Variants in ZC3H4 observed in about 807,000 individuals in gnomAD.
ZC3H4 encodes zinc finger CCCH-type containing 4.
ZC3H4 carries 13 observed loss-of-function variants against 108.3 expected under a neutral mutation model. The observed-to-expected ratio is 0.12, with a 90% confidence interval of 0.08 to 0.19. ZC3H4 has a LOEUF of 0.19. Ranked by LOEUF, ZC3H4 falls within the 10% of genes least tolerant of loss-of-function variation. The probability of loss-of-function intolerance (pLI) is 1.00; values close to 1 mark genes in which losing one functional copy is unlikely to be tolerated. For missense variants in ZC3H4, 1,734 were observed against 1,838.8 expected (o/e 0.94, Z 1.04); for synonymous variants, 917 against 749.6 (o/e 1.22, Z -3.65).
rs752786085 is a variant in ZC3H4 at position 47,067,027 on chromosome 19, G to A, written c.3241C>T (p.Arg1081Trp). Residue 1081 changes from arginine to tryptophan, a missense_variant, in exon 15 of 15, where the codon CGG (arginine) becomes TGG (tryptophan). Coordinates refer to ENST00000253048, the MANE Select transcript of ZC3H4 (RefSeq NM_015168.2). The surrounding 1 kb of genome is among the most constrained non-coding windows in gnomAD (Gnocchi z 6.4). ...GTAGAGTCTGTGGGTTTCTGCAGCC[G>A]AGGGTCGGTGGGGGCCTTCCGCACC... ...PRVRKAPTDPRLQKPTDSTAS... is the reference protein window; with the variant it reads ...PRVRKAPTDPWLQKPTDSTAS... 28 of 1,600,738 alleles carry A rather than the reference G, an allele frequency of 1.7e-5. No homozygotes were observed. The highest frequency in any genetic ancestry group is 3.3e-5 in the South Asian group (3 of 89,702).
chr19:47,070,231 C>A (rs990053454), intron 13 of ZC3H4, among the ~76,000 whole-genome samples: 1 of 152,164 alleles, frequency 6.6e-6, no homozygotes, highest in Non-Finnish European at 1.5e-5. Flanking sequence ...CCTAGATCCT[C>A]CTGGGGCAGC....
At chr19:47,112,300 C>CCTTCCT (rs2058050497) in intron 2 of ZC3H4, 124 bp downstream of exon 2, 2 of 1,097,698 alleles carry the variant, frequency 1.8e-6, no homozygotes, top group Admixed American at 4.3e-5. Context: ...CCGACCCCGC[C>CCTTCCT]CTTCCTCCTC....
intron 11 of ZC3H4, among the ~76,000 whole-genome samples, chr19:47,079,930 C>T (rs755672734): frequency 1.3e-5 from 2 of 152,170 alleles, no homozygotes; most frequent in Non-Finnish European, 2.9e-5. Flanking sequence ...GCAGGCTCCC[C>T]GGAGGGACTT....
intron 2 of ZC3H4, among the ~76,000 whole-genome samples, chr19:47,095,462 C>T (rs892655145): frequency 2.8e-4 from 43 of 152,134 alleles, no homozygotes; most frequent in Middle Eastern, 3.2e-3. Flanking sequence ...CACATGATAC[C>T]GGCCCTGCTT....
Position 47,072,935 on chromosome 19 carries a change from T to C in ZC3H4, c.1441-222A>G, listed in dbSNP as rs558383163. On this transcript the variant is annotated intron_variant, in intron 11 of 14. Coordinates refer to ENST00000253048, the MANE Select transcript of ZC3H4 (RefSeq NM_015168.2). This position sits in a 1 kb window ranked among gnomAD's most constrained non-coding sequence, Gnocchi z 5.6. The stretch of plus-strand genomic sequence containing the variant: ...GGTAGAGGGGGGGCCATTCCTGCTC[T>C]ATGGCAAAATACACATAACAAAGCA... Among the ~76,000 whole-genome samples the C allele has an allele frequency of 3.8e-4, 58 of 152,164 alleles. 1 individual carries two copies. The highest frequency in any genetic ancestry group is 1.4e-3 in the African/African-American group (58 of 41,438).
intron 5 of ZC3H4, 102 bp downstream of exon 5, chr19:47,089,865 A>G (rs1221300037): frequency 7.3e-6 from 9 of 1,228,984 alleles, no homozygotes; most frequent in Non-Finnish European, 1.0e-5. Flanking sequence ...CACTTATCCC[A>G]ACCCTAAGTG....
intron 2 of ZC3H4, chr19:47,110,868 GAAAA>G (rs545206510): frequency 4.4e-6 from 4 of 911,778 alleles, no homozygotes; most frequent in Non-Finnish European, 3.9e-6. Flanking sequence ...GAACAAAACA[GAAAA>G]AAAAAATGTT....
intron 4 of ZC3H4, among the ~76,000 whole-genome samples, chr19:47,091,842 G>A (rs976734435): frequency 2.2e-4 from 33 of 147,506 alleles, no homozygotes; most frequent in African/African-American, 8.0e-4. Context: ...GCAGTGAGCC[G>A]AGATTGTGCC....
chr19:47,094,334 C>A, intron 3 of ZC3H4, 55 bp downstream of exon 3: 1 of 1,595,804 alleles, frequency 6.3e-7, no homozygotes, highest in Non-Finnish European at 8.6e-7. Context: ...GCCCCTGGGG[C>A]TCTCAGCCAG....
At chr19:47,096,340 C>CG (rs1242301821) in intron 2 of ZC3H4, among the ~76,000 whole-genome samples, 1 of 152,194 alleles carries the variant, frequency 6.6e-6, no homozygotes, top group Admixed American at 6.5e-5. Flanking sequence ...TGGAATGGGG[C>CG]GGGGGTGCAG....
rs747292710 is a variant in ZC3H4, at chr19:47,086,558, G to C, written c.716-20C>G. The C allele has an allele frequency of 9.6e-6, 15 of 1,563,192 alleles. No homozygotes were observed. Among genetic ancestry groups the C allele is most frequent in the Non-Finnish European group, 1.3e-5 (15 of 1,164,010 alleles). On this transcript the variant is annotated intron_variant, in intron 5 of 14. Transcript: ENST00000253048. ...GGCTGCCTGCATGGAGATTCAGATA[G>C]TGAGCCTCCAGCAGGAGCAGATGCC...
chr19:47,086,934 T>C (rs2057639061), intron 5 of ZC3H4, among the ~76,000 whole-genome samples: 1 of 152,020 alleles, frequency 6.6e-6, no homozygotes, highest in Non-Finnish European at 1.5e-5. Flanking sequence ...ACCTGTGATT[T>C]AGACAAGACT....
chr19:47,085,321 G>C lies in ZC3H4; in HGVS notation c.964C>G (p.Arg322Gly). The C allele has an allele frequency of 6.4e-7, 1 of 1,565,022 alleles. No individual in the cohort carries two copies. The highest frequency in any genetic ancestry group is 8.6e-7 in the Non-Finnish European group (1 of 1,156,516). ...QYRRSKDSRG[R>G]GLSRGRGRGS... ...TCCTCTCCAGGCCCCTGCCCACCTCGGCCTCGGCTGTCCTTGGAGCGGCGG... is the reference window on the plus strand; with the variant it reads ...TCCTCTCCAGGCCCCTGCCCACCTCCGCCTCGGCTGTCCTTGGAGCGGCGG... Residue 322 changes from arginine (R) to glycine (G), a missense_variant, in exon 7 of 15, where the codon CGA (arginine) becomes GGA (glycine). By Grantham distance (125) the Arg-to-Gly change is moderately radical. Around this residue, in one of 9 missense-constraint regions of ZC3H4, gnomAD observed 403 missense variants for 457.0 expected, o/e 0.88. Coordinates refer to ENST00000253048, the MANE Select transcript of ZC3H4 (RefSeq NM_015168.2).
In ZC3H4 at chr19:47,071,865, G is replaced by T. The variant is rs137920489; in HGVS notation, c.2059C>A (p.Pro687Thr). The change falls in exon 13 of 15, where the codon CCT (proline) becomes ACT (threonine). Residue 687 changes from proline to threonine, a missense_variant. Physicochemically the swap from Pro to Thr is conservative, Grantham distance 38 (BLOSUM62 -1). Coordinates refer to ENST00000253048, the MANE Select transcript of ZC3H4 (RefSeq NM_015168.2). ...GDSPHSGMMP[P>T]IPPAQNFYEN... ...TAGAAGTTCTGGGCTGGCGGGATAG[G>T]GGGCATCATTCCAGAATGTGGGGAG... The T allele has an allele frequency of 6.2e-7, 1 of 1,613,682 alleles. No homozygotes were observed. The highest frequency in any genetic ancestry group is 1.7e-5 in the Admixed American group (1 of 59,930).
Position 47,067,920 on chromosome 19 carries a change from C to G in ZC3H4, c.2399-51G>C. 1 of 1,518,514 alleles carries G rather than the reference C, an allele frequency of 6.6e-7. No individual in the cohort carries two copies. The highest frequency in any genetic ancestry group is 8.8e-7 in the Non-Finnish European group (1 of 1,130,072). The allele number at this position is 1,518,514 out of a possible 1,614,324, so 94.1% of individuals were successfully genotyped here. ...GGGGTGAGTGGGCGCATCCACCACC[C>G]GCCCTCTTGGATCCCACAGCAGCCC... On this transcript the variant is annotated intron_variant, in intron 14 of 14. Coordinates refer to ENST00000253048, the MANE Select transcript of ZC3H4 (RefSeq NM_015168.2). The surrounding 1 kb of genome is among the most constrained non-coding windows in gnomAD (Gnocchi z 6.4).
At chr19:47,084,225 G>T in intron 9 of ZC3H4, 120 bp downstream of exon 9, 1 of 908,938 alleles carries the variant, frequency 1.1e-6, no homozygotes, top group Non-Finnish European at 1.7e-6. Context: ...GTGTCCACAA[G>T]GACAAGGACT....
At chr19:47,098,026 C>T (rs1359163461) in intron 2 of ZC3H4, among the ~76,000 whole-genome samples, 3 of 152,192 alleles carry the variant, frequency 2.0e-5, no homozygotes, top group Admixed American at 1.3e-4. Context: ...AGTCCTGCCC[C>T]GTACCTCCCG....
intron 11 of ZC3H4, among the ~76,000 whole-genome samples, chr19:47,079,018 C>T (rs2057472326): frequency 6.7e-6 from 1 of 150,256 alleles, no homozygotes; most frequent in Non-Finnish European, 1.5e-5. Flanking sequence ...CAAAGCAAGA[C>T]TCCATTTCAT....
intron 11 of ZC3H4, 58 bp downstream of exon 11, chr19:47,081,455 A>G (rs1041143191): frequency 2.4e-5 from 32 of 1,354,168 alleles, no homozygotes; most frequent in Non-Finnish European, 3.4e-5. Flanking sequence ...CACTGAGGCA[A>G]TGGAGTGCGC....
Sources: gnomAD v4.1 joint callset for allele counts (sites outside exome capture counted in the v4.1 genomes callset) on GRCh38, gnomAD v4.1.1 for gene constraint, gnomAD v4.1.1 regional missense constraint, Gnocchi (gnomAD v3.1) non-coding constraint, MANE v1.5 for transcripts, NCBI Gene and HGNC (gene_info 2026-07-23, HGNC 2026-07-21) for gene names.